BTBD7: variants seen among roughly 807,000 people sequenced by gnomAD.
BTBD7 encodes BTB/POZ domain-containing protein 7.
In BTBD7, 38 loss-of-function variants were observed where a neutral mutation model predicts 99.9. The observed-to-expected ratio is 0.38, with a 90% CI of 0.29 to 0.50. BTBD7 has a LOEUF of 0.50. Among genes scored for constraint, BTBD7 ranks in the 20% least tolerant of loss-of-function variants. BTBD7 has a pLI of 0.93. For missense variants in BTBD7, 1,170 were observed against 1,394.6 expected (o/e 0.84, Z 2.57); for synonymous variants, 520 against 511.4 (o/e 1.02, Z -0.23).
At position 93,332,935 on chromosome 14, in the gene BTBD7, C is replaced by CCCA. The variant is rs1313086245; in HGVS notation, c.-225_-223dup. 22 of 916,448 alleles carry CCCA rather than the reference C, an allele frequency of 2.4e-5. No homozygotes were observed. Among genetic ancestry groups the CCCA allele is most frequent in the Non-Finnish European group, 3.2e-5 (22 of 688,130 alleles). The allele number at this position is 916,448 out of a possible 1,614,324, so 56.8% of individuals were successfully genotyped here. A position where few individuals can be genotyped will look rare whatever the true frequency, so the allele number is the denominator to read the frequency against. On this transcript the variant is annotated 5_prime_UTR_variant, in exon 1 of 11. Coordinates refer to ENST00000334746, the MANE Select transcript of BTBD7 (RefSeq NM_001002860.4). ...CGCCAGCACCCCCGGCCATCCTCCT[C>CCCA]CCACCGCCGCCGCCGCCGCCCTCTC...
At chr14:93,279,676 C>T (rs1595306149) in intron 3 of BTBD7, among the ~76,000 whole-genome samples, 1 of 152,076 alleles carries the variant, frequency 6.6e-6, no homozygotes, top group African/African-American at 2.4e-5. Flanking sequence ...GCCTCCCGAG[C>T]AGCTGGGATT....
chr14:93,298,349 A>G (rs1177475610), intron 1 of BTBD7, among the ~76,000 whole-genome samples: 2 of 152,124 alleles, frequency 1.3e-5, no homozygotes, highest in Non-Finnish European at 2.9e-5. Flanking sequence ...AAAATCCAAT[A>G]CTTTTTGAGT....
chr14:93,305,031 T>C (rs1010090092), intron 1 of BTBD7, among the ~76,000 whole-genome samples: 1 of 152,224 alleles, frequency 6.6e-6, no homozygotes, highest in Non-Finnish European at 1.5e-5. Flanking sequence ...ATTAAAGGAA[T>C]AGGCATGTGA....
chr14:93,263,718 T>C lies in BTBD7; in HGVS notation c.1371+67A>G, dbSNP rs573915029. Reference sequence around the variant, plus strand: ...TGCCCTACCCTAGATGGAAGAGTAATAGAGCATAGATGGGTTTCTTGGCGC... The same window carrying C: ...TGCCCTACCCTAGATGGAAGAGTAACAGAGCATAGATGGGTTTCTTGGCGC... On this transcript the variant is annotated intron_variant, in intron 4 of 10. Transcript: ENST00000334746. 59 of 1,437,450 alleles carry C rather than the reference T, an allele frequency of 4.1e-5. No homozygotes were observed. In the South Asian group the frequency reaches 4.9e-4, roughly 12 times the overall value. The allele number at this position is 1,437,450 out of a possible 1,614,324, so 89.0% of individuals were successfully genotyped here.
intron 3 of BTBD7, among the ~76,000 whole-genome samples, chr14:93,280,717 A>C (rs2052708995): frequency 6.6e-6 from 1 of 152,160 alleles, no homozygotes; most frequent in South Asian, 2.1e-4. Flanking sequence ...TAGAGACCAA[A>C]TATATGAAAA....
intron 3 of BTBD7, among the ~76,000 whole-genome samples, chr14:93,270,514 G>A (rs951537645): frequency 2.0e-5 from 3 of 151,916 alleles, no homozygotes; most frequent in African/African-American, 7.3e-5. Flanking sequence ...CCAACATGGC[G>A]AAACCCAGTC....
chr14:93,327,484 A>G (rs2053346712), intron 1 of BTBD7, among the ~76,000 whole-genome samples: 1 of 152,250 alleles, frequency 6.6e-6, no homozygotes, highest in Admixed American at 6.5e-5. Context: ...CATCAACTTC[A>G]TGATAATATA....
intron 10 of BTBD7, chr14:93,244,214 A>C: frequency 5.4e-6 from 2 of 367,252 alleles, no homozygotes; most frequent in South Asian, 4.7e-5. Context: ...CTGAAGGTTG[A>C]GTGCGCTGAG....
intron 3 of BTBD7, among the ~76,000 whole-genome samples, chr14:93,286,543 C>T (rs981887529): frequency 1.3e-5 from 2 of 152,192 alleles, no homozygotes; most frequent in African/African-American, 2.4e-5. Flanking sequence ...GAGGCTCCTA[C>T]AAGTTGATGT....
chr14:93,259,293 A>T lies in BTBD7; in HGVS notation c.1448-1938T>A, dbSNP rs555139314. ...CGCCTGAATGAAGCTTACCTAACTCATGTATTATCTCTGTATGGCACACCA... is the reference window on the plus strand; with the variant it reads ...CGCCTGAATGAAGCTTACCTAACTCTTGTATTATCTCTGTATGGCACACCA... On this transcript the variant is annotated intron_variant, in intron 5 of 10. Transcript: ENST00000334746. Among the ~76,000 whole-genome samples, 6 of 152,288 alleles carry T rather than the reference A, an allele frequency of 3.9e-5. 1 individual carries two copies. The highest frequency in any genetic ancestry group is 1.4e-4 in the African/African-American group (6 of 41,556).
chr14:93,274,252 G>A (rs1348524240), intron 3 of BTBD7, among the ~76,000 whole-genome samples: 1 of 152,238 alleles, frequency 6.6e-6, no homozygotes, highest in Non-Finnish European at 1.5e-5. Context: ...TCTGAGTGAT[G>A]CAAGAAGTAG....
intron 3 of BTBD7, among the ~76,000 whole-genome samples, chr14:93,282,962 A>G (rs1423958232): frequency 3.9e-5 from 6 of 152,266 alleles, no homozygotes; most frequent in Non-Finnish European, 7.3e-5. Flanking sequence ...ATGTGATGTC[A>G]TAAGTTTACA....
chr14:93,332,882 C>T lies in BTBD7; in HGVS notation c.-169G>A, dbSNP rs1318527671. 31 of 1,454,308 alleles carry T rather than the reference C, an allele frequency of 2.1e-5. No individual in the cohort carries two copies. The African/African-American group carries it at 3.2e-4, about 15-fold the overall frequency. The allele number at this position is 1,454,308 out of a possible 1,614,324, so 90.1% of individuals were successfully genotyped here. On this transcript the variant is annotated 5_prime_UTR_variant, in exon 1 of 11. Coordinates refer to ENST00000334746, the MANE Select transcript of BTBD7 (RefSeq NM_001002860.4). Reference sequence around the variant, plus strand: ...ACCGCTGCCGTCGCCTCCGCCGCCGCCGCCACCAGCACCGCCGTCCGCACC... The same window carrying T: ...ACCGCTGCCGTCGCCTCCGCCGCCGTCGCCACCAGCACCGCCGTCCGCACC...
intron 6 of BTBD7, 33 bp downstream of exon 6, chr14:93,257,162 T>C: frequency 2.5e-6 from 4 of 1,594,580 alleles, no homozygotes; most frequent in Non-Finnish European, 3.4e-6. Context: ...ATTTTTCTTT[T>C]CATGAAAGGA....
intron 6 of BTBD7, chr14:93,256,330 A>C (rs1200429061): frequency 1.3e-5 from 2 of 152,164 alleles, no homozygotes; most frequent in Admixed American, 1.3e-4. Context: ...TATGATGTTT[A>C]TAAGCATTAT....
chr14:93,307,005 AG>A (rs1448973455), intron 1 of BTBD7, among the ~76,000 whole-genome samples: 2 of 152,168 alleles, frequency 1.3e-5, no homozygotes, highest in Admixed American at 6.5e-5. Context: ...TCAGAGGAAA[AG>A]GTTATGTCTT....
At chr14:93,323,060 C>G (rs1043341837) in intron 1 of BTBD7, among the ~76,000 whole-genome samples, 2 of 152,022 alleles carry the variant, frequency 1.3e-5, no homozygotes, top group Non-Finnish European at 2.9e-5. Context: ...GAGTTTGAGG[C>G]TGCGGTGAGC....
At chr14:93,272,214 A>G (rs546850382) in intron 3 of BTBD7, among the ~76,000 whole-genome samples, 3 of 152,102 alleles carry the variant, frequency 2.0e-5, no homozygotes, top group African/African-American at 4.8e-5. Flanking sequence ...CCCGGGAGGT[A>G]GAGATTGCAG....
At chr14:93,318,466 A>C (rs2139817809) in intron 1 of BTBD7, among the ~76,000 whole-genome samples, 1 of 152,318 alleles carries the variant, frequency 6.6e-6, no homozygotes. Flanking sequence ...ACTTCACAAT[A>C]AAATGTTTTG....
Sources: gnomAD v4.1 joint callset for allele counts (sites outside exome capture counted in the v4.1 genomes callset) on GRCh38, gnomAD v4.1.1 for gene constraint, MANE v1.5 for transcripts, NCBI Gene and HGNC (gene_info 2026-07-23, HGNC 2026-07-21) for gene names.